The following PINX1 variants were observed in gnomAD, a reference collection of about 807,000 sequenced individuals.
PINX1 encodes the protein PIN2 (TERF1) interacting telomerase inhibitor 1.
A neutral mutation model predicts 25.4 loss-of-function variants in PINX1; 34 were observed. That is an observed-to-expected ratio of 1.34 (90% confidence interval 1.02 to 1.78). The LOEUF is 1.78. Among genes scored for constraint, PINX1 ranks in the 40% most tolerant of loss-of-function variants. The pLI, the probability that PINX1 is intolerant of heterozygous loss-of-function variation, is 0.00. For synonymous variants in PINX1, 197 were observed against 147.7 expected, an observed-to-expected ratio of 1.33 and a Z score of -2.42; for missense variants, 592 against 404.9, an observed-to-expected ratio of 1.46 and a Z score of -3.97.
chr8:10,776,771 C>T (rs546311794), intron 6 of PINX1, among the ~76,000 whole-genome samples: 7 of 152,230 alleles, frequency 4.6e-5, no homozygotes, highest in Non-Finnish European at 8.8e-5. Context: ...TCACCAGAGT[C>T]GCCACCCTGC....
At position 10,794,728 on chromosome 8, in the gene PINX1, G is replaced by C. The variant is rs144310885; in HGVS notation, c.471+25465C>G. ...CGGGCATGAGCCACTGCGCTCAGCT[G>C]CTGTTACTACTTTTAAATGAGTGGG... On this transcript the variant is annotated intron_variant, in intron 6 of 6. Coordinates refer to ENST00000314787, the MANE Select transcript of PINX1 (RefSeq NM_017884.6). Among the ~76,000 whole-genome samples the C allele has an allele frequency of 5.7e-3, 862 of 152,292 alleles. 6 individuals carry two copies. Among genetic ancestry groups the C allele is most frequent in the African/African-American group, 0.019 (810 of 41,574 alleles).
At chr8:10,817,617 G>A (rs1269028878) in intron 6 of PINX1, among the ~76,000 whole-genome samples, 1 of 152,346 alleles carries the variant, frequency 6.6e-6, no homozygotes, top group East Asian at 1.9e-4. Context: ...ATGCAGGCAT[G>A]TCAAAAGGAA....
chr8:10,772,454 T>C (rs1040397200), intron 6 of PINX1, among the ~76,000 whole-genome samples: 1 of 152,256 alleles, frequency 6.6e-6, no homozygotes, highest in African/African-American at 2.4e-5. Flanking sequence ...TTTTCCTTCG[T>C]GGTTTCCATG....
At chr8:10,772,527 C>G (rs760098488) in intron 6 of PINX1, among the ~76,000 whole-genome samples, 2 of 152,208 alleles carry the variant, frequency 1.3e-5, no homozygotes, top group African/African-American at 2.4e-5. Context: ...AAAAGCTTTT[C>G]AAGTGTGAAA....
chr8:10,772,302 A>T (rs970227980), intron 6 of PINX1, among the ~76,000 whole-genome samples: 2 of 152,230 alleles, frequency 1.3e-5, no homozygotes, highest in African/African-American at 4.8e-5. Flanking sequence ...GGGCAAGCTG[A>T]TTCTAGGGAG....
chr8:10,813,762 G>A (rs6601530), intron 6 of PINX1, among the ~76,000 whole-genome samples: 91,085 of 151,890 alleles, frequency 0.6, 28,663 homozygotes, highest in African/African-American at 0.79. Context: ...AAGCATGCTA[G>A]ACAGAGAAAC....
At chr8:10,807,862 C>T (rs1802503519) in intron 6 of PINX1, among the ~76,000 whole-genome samples, 2 of 152,124 alleles carry the variant, frequency 1.3e-5, no homozygotes, top group African/African-American at 4.8e-5. Flanking sequence ...AGGGAAATGG[C>T]CGAGCCAGCA....
At chr8:10,790,112 G>A (rs1017602729) in intron 6 of PINX1, among the ~76,000 whole-genome samples, 1 of 151,990 alleles carries the variant, frequency 6.6e-6, no homozygotes, top group African/African-American at 2.4e-5. Flanking sequence ...CAGGACTCAG[G>A]TTCCCTCCTC....
In PINX1 at chr8:10,820,402, T is replaced by G. The variant is rs1288241642; in HGVS notation, c.395-133A>C. 6 of 696,388 alleles carry G rather than the reference T, an allele frequency of 8.6e-6. No homozygotes were observed. The East Asian group carries it at 1.6e-4, about 19-fold the overall frequency. The allele number at this position is 696,388 out of a possible 1,614,324, so 43.1% of individuals were successfully genotyped here. ...GAAACAATTTTGAAACTACTGACTT[T>G]CTACCCACTTTTTCATTACAACTCT... On this transcript the variant is annotated intron_variant, in intron 5 of 6. Coordinates refer to ENST00000314787, the MANE Select transcript of PINX1 (RefSeq NM_017884.6).
At chr8:10,790,405 T>A (rs1801885761) in intron 6 of PINX1, among the ~76,000 whole-genome samples, 1 of 152,124 alleles carries the variant, frequency 6.6e-6, no homozygotes. Flanking sequence ...GCACGAGCGA[T>A]GAGATGACAG....
At chr8:10,834,520 A>T (rs1798334322) in intron 2 of PINX1, 146 bp downstream of exon 2, 1 of 1,177,600 alleles carries the variant, frequency 8.5e-7, no homozygotes, top group African/African-American at 1.6e-5. Flanking sequence ...TTATCATCAT[A>T]AGGTCACAAC....
At chr8:10,788,599 C>CT (rs1419233335) in intron 6 of PINX1, among the ~76,000 whole-genome samples, 2 of 152,006 alleles carry the variant, frequency 1.3e-5, no homozygotes, top group East Asian at 1.9e-4. Context: ...GAATGTATAT[C>CT]TATTGGTATA....
chr8:10,783,311 G>A (rs2129074366), intron 6 of PINX1, among the ~76,000 whole-genome samples: 1 of 152,276 alleles, frequency 6.6e-6, no homozygotes, highest in African/African-American at 2.4e-5. Context: ...ACCTGTGGAT[G>A]AAATAGTGAT....
At chr8:10,779,163 T>C (rs1361417187) in intron 6 of PINX1, among the ~76,000 whole-genome samples, 1 of 152,226 alleles carries the variant, frequency 6.6e-6, no homozygotes, top group Non-Finnish European at 1.5e-5. Context: ...TAGCCGTATT[T>C]TTTAAAGGAT....
intron 3 of PINX1, among the ~76,000 whole-genome samples, chr8:10,832,466 G>A (rs1482518965): frequency 1.3e-5 from 2 of 152,158 alleles, no homozygotes; most frequent in African/African-American, 4.8e-5. Flanking sequence ...GTATATCTGT[G>A]TTATCTATCC....
At chr8:10,804,944 C>T (rs573890980) in intron 6 of PINX1, among the ~76,000 whole-genome samples, 32 of 152,058 alleles carry the variant, frequency 2.1e-4, no homozygotes, top group Admixed American at 1.1e-3. Context: ...GAAGGACCCC[C>T]GAGAAGACTT....
At chr8:10,832,855 A>AG in intron 3 of PINX1, 37 bp downstream of exon 3, 3 of 1,253,184 alleles carry the variant, frequency 2.4e-6, no homozygotes, top group Non-Finnish European at 3.5e-6. Flanking sequence ...GAAGCCAATT[A>AG]TGCAAAGACA....
At chr8:10,813,955 G>C (rs542700003) in intron 6 of PINX1, among the ~76,000 whole-genome samples, 20 of 152,066 alleles carry the variant, frequency 1.3e-4, no homozygotes, top group Non-Finnish European at 2.2e-4. Context: ...GATAGGAACT[G>C]ATGGAATTTG....
chr8:10,837,115 G>A (rs932216018), intron 1 of PINX1, among the ~76,000 whole-genome samples: 3 of 152,214 alleles, frequency 2.0e-5, no homozygotes, highest in South Asian at 4.1e-4. Flanking sequence ...TGGTAAGAGT[G>A]GCTCATTGTG....
Sources: allele counts gnomAD v4.1 joint callset (sites outside exome capture counted in the v4.1 genomes callset), GRCh38; gene constraint gnomAD v4.1.1; transcripts MANE v1.5; gene names NCBI Gene and HGNC (gene_info 2026-07-23, HGNC 2026-07-21).